Variants in GRM8 observed in about 807,000 individuals in gnomAD.
GRM8 encodes metabotropic glutamate receptor 8.
Under a neutral mutation model 87.2 loss-of-function variants are expected in GRM8, and 47 were observed. The observed-to-expected ratio is 0.54, with a 90% CI of 0.43 to 0.69. The LOEUF is 0.69. GRM8 is among the 30% of genes least tolerant of loss of function. The pLI, the probability that GRM8 is intolerant of heterozygous loss-of-function variation, is 0.00. For missense variants in GRM8, 1,019 were observed against 1,139.2 expected (o/e 0.89, Z 1.52); for synonymous variants, 396 against 404.5 (o/e 0.98, Z 0.25).
rs1361499250 is a variant in GRM8, at chr7:127,096,794, G to C, written c.727+9702C>G. On this transcript the variant is annotated intron_variant, in intron 3 of 10. Coordinates refer to ENST00000339582, the MANE Select transcript of GRM8 (RefSeq NM_000845.3). ...AACCACTCCCCAGTGCTGCCTAAGAGATTAGGGTTGGATGAACCTACAGAT... is the reference window on the plus strand; with the variant it reads ...AACCACTCCCCAGTGCTGCCTAAGACATTAGGGTTGGATGAACCTACAGAT... Among the ~76,000 whole-genome samples the C allele has an allele frequency of 2.0e-5, 3 of 152,174 alleles. No individual in the cohort carries two copies. The East Asian group carries it at 5.8e-4, about 29-fold the overall frequency.
chr7:126,972,366 G>A (rs964785912), intron 3 of GRM8, among the ~76,000 whole-genome samples: 5 of 152,078 alleles, frequency 3.3e-5, no homozygotes, highest in Non-Finnish European at 5.9e-5. Flanking sequence ...CTGATGTTGA[G>A]TAGACACAAT....
chr7:127,034,118 G>A (rs1817635929), intron 3 of GRM8, among the ~76,000 whole-genome samples: 1 of 152,110 alleles, frequency 6.6e-6, no homozygotes, highest in South Asian at 2.1e-4. Flanking sequence ...TAATTAATTG[G>A]TACATCTCTA....
intron 2 of GRM8, among the ~76,000 whole-genome samples, chr7:127,235,627 G>A (rs1797941802): frequency 6.6e-6 from 1 of 152,122 alleles, no homozygotes; most frequent in Non-Finnish European, 1.5e-5. Context: ...TAAAAACCAA[G>A]CAATTATTAA....
intron 9 of GRM8, among the ~76,000 whole-genome samples, chr7:126,531,380 G>T (rs1245929033): frequency 1.3e-5 from 2 of 152,104 alleles, no homozygotes; most frequent in African/African-American, 4.8e-5. Context: ...GATTTAGTTT[G>T]ATTTCAGAAA....
chr7:127,021,227 G>C (rs1224671358), intron 3 of GRM8, among the ~76,000 whole-genome samples: 1 of 151,858 alleles, frequency 6.6e-6, no homozygotes. Flanking sequence ...CTTCCACACT[G>C]TATAGGACTT....
intron 2 of GRM8, among the ~76,000 whole-genome samples, chr7:127,125,302 A>T (rs1032319783): frequency 1.7e-4 from 26 of 152,116 alleles, no homozygotes; most frequent in Admixed American, 3.9e-4. Context: ...TAATGGAAAA[A>T]AGTGAAGAGT....
intron 2 of GRM8, among the ~76,000 whole-genome samples, chr7:127,140,905 A>G (rs17869596): frequency 6.6e-6 from 1 of 152,102 alleles, no homozygotes; most frequent in African/African-American, 2.4e-5. Context: ...TTTTCCCTAC[A>G]CTTTCATCAT....
intron 3 of GRM8, among the ~76,000 whole-genome samples, chr7:127,089,983 T>C (rs28951987): frequency 6.6e-6 from 1 of 152,304 alleles, no homozygotes; most frequent in East Asian, 1.9e-4. Context: ...GGCCAAGATG[T>C]CTTAAATGAG....
At chr7:126,737,473 C>T (rs376641587) in intron 7 of GRM8, among the ~76,000 whole-genome samples, 19 of 151,974 alleles carry the variant, frequency 1.3e-4, no homozygotes, top group Non-Finnish European at 2.1e-4. Context: ...TCCAGTCTCC[C>T]GCACAGCCAG....
At chr7:127,132,965 G>A (rs987447111) in intron 2 of GRM8, among the ~76,000 whole-genome samples, 9 of 152,164 alleles carry the variant, frequency 5.9e-5, no homozygotes, top group Admixed American at 5.2e-4. Flanking sequence ...CTCTACCAAC[G>A]TTTTAAAAAG....
intron 3 of GRM8, among the ~76,000 whole-genome samples, chr7:126,981,967 C>CATCTATATCTAT (rs58806935): frequency 5.9e-5 from 9 of 151,800 alleles, no homozygotes; most frequent in African/African-American, 1.9e-4. Flanking sequence ...AGGATAAATA[C>CATCTATATCTAT]ATCTATATCT....
At chr7:127,167,401 T>C (rs545662238) in intron 2 of GRM8, among the ~76,000 whole-genome samples, 27 of 152,300 alleles carry the variant, frequency 1.8e-4, no homozygotes, top group African/African-American at 6.5e-4. Context: ...TTTTTACTGC[T>C]CATCCTTTTA....
intron 3 of GRM8, among the ~76,000 whole-genome samples, chr7:126,985,709 C>T (rs1470810940): frequency 6.6e-6 from 1 of 152,122 alleles, no homozygotes; most frequent in African/African-American, 2.4e-5. Context: ...ACTCAGGTCT[C>T]TCTTCCTCTT....
chr7:126,717,503 T>C (rs1293733840), intron 7 of GRM8, among the ~76,000 whole-genome samples: 1 of 152,048 alleles, frequency 6.6e-6, no homozygotes, highest in African/African-American at 2.4e-5. Flanking sequence ...CTTTGGGACA[T>C]ACAACTATGG....
At chr7:126,879,675 C>T (rs1169381197) in intron 6 of GRM8, among the ~76,000 whole-genome samples, 5 of 152,158 alleles carry the variant, frequency 3.3e-5, no homozygotes, top group Admixed American at 6.6e-5. Flanking sequence ...ATTAATTTTA[C>T]ACCAGTTAAA....
intron 7 of GRM8, among the ~76,000 whole-genome samples, chr7:126,671,728 C>G (rs1806402977): frequency 6.6e-6 from 1 of 152,154 alleles, no homozygotes; most frequent in African/African-American, 2.4e-5. Flanking sequence ...ATGCCCATAA[C>G]CCAGAGGTTT....
chr7:126,946,755 A>G (rs1463222762), intron 3 of GRM8, among the ~76,000 whole-genome samples: 2 of 152,210 alleles, frequency 1.3e-5, no homozygotes, highest in Non-Finnish European at 2.9e-5. Context: ...GCAATAGTAA[A>G]TGCTTATTAT....
At chr7:126,555,163 A>T (rs17609341) in intron 8 of GRM8, among the ~76,000 whole-genome samples, 5,079 of 152,372 alleles carry the variant, frequency 0.033, 174 homozygotes, top group Admixed American at 0.092. Flanking sequence ...TCTTTTTGAT[A>T]GATTCATAGA....
At chr7:126,769,574 G>A (rs1001686534) in intron 7 of GRM8, among the ~76,000 whole-genome samples, 4 of 152,026 alleles carry the variant, frequency 2.6e-5, no homozygotes, top group African/African-American at 9.7e-5. Context: ...TAATGTCAAT[G>A]GTTTCAAATA....
Sources: gnomAD v4.1 joint callset for allele counts (sites outside exome capture counted in the v4.1 genomes callset) on GRCh38, gnomAD v4.1.1 for gene constraint, MANE v1.5 for transcripts, NCBI Gene and HGNC (gene_info 2026-07-23, HGNC 2026-07-21) for gene names.